CSMD3: variants seen among roughly 807,000 people sequenced by gnomAD.
CSMD3 encodes CUB and sushi domain-containing protein 3.
A neutral mutation model predicts 435.2 loss-of-function variants in CSMD3; 177 were observed. That is an observed-to-expected ratio of 0.41 (90% confidence interval 0.36 to 0.46). The LOEUF is 0.46. CSMD3 is among the 20% of genes least tolerant of loss of function. The pLI is 0.34. For missense variants in CSMD3, 4,265 were observed against 4,504.6 expected, an observed-to-expected ratio of 0.95 and a Z score of 1.52; for synonymous variants, 1,656 against 1,520.5, an observed-to-expected ratio of 1.09 and a Z score of -2.07.
At chr8:113,215,085 T>A (rs1311449590) in intron 3 of CSMD3, among the ~76,000 whole-genome samples, 1 of 151,908 alleles carries the variant, frequency 6.6e-6, no homozygotes, top group African/African-American at 2.4e-5. Context: ...ATCTCATATA[T>A]TCGTAATAAA....
intron 31 of CSMD3, among the ~76,000 whole-genome samples, chr8:112,490,327 C>CTGTAGATA (rs1307732438): frequency 4.6e-5 from 7 of 152,088 alleles, no homozygotes; most frequent in African/African-American, 1.7e-4. Flanking sequence ...TCTAAATTGT[C>CTGTAGATA]TGTAGATATG....
chr8:113,106,019 T>C (rs1163914595), intron 4 of CSMD3, among the ~76,000 whole-genome samples: 4 of 152,014 alleles, frequency 2.6e-5, no homozygotes, highest in Admixed American at 1.3e-4. Flanking sequence ...TATAACTATA[T>C]TCAACTACTT....
intron 6 of CSMD3, among the ~76,000 whole-genome samples, chr8:112,994,308 C>G (rs2085564351): frequency 6.6e-6 from 1 of 151,594 alleles, no homozygotes; most frequent in Admixed American, 6.6e-5. Flanking sequence ...TGAACATGTA[C>G]ACACTACTAG....
intron 23 of CSMD3, among the ~76,000 whole-genome samples, chr8:112,586,657 A>T (rs1462912868): frequency 6.6e-6 from 1 of 150,960 alleles, no homozygotes; most frequent in African/African-American, 2.4e-5. Context: ...GTTACATTAT[A>T]GACAATAGAA....
intron 14 of CSMD3, among the ~76,000 whole-genome samples, chr8:112,689,174 G>C (rs1052621354): frequency 1.3e-5 from 2 of 151,988 alleles, no homozygotes; most frequent in African/African-American, 4.8e-5. Context: ...ACTTCCTGAA[G>C]AGCAAACACA....
At chr8:113,250,955 G>T (rs2093329739) in intron 3 of CSMD3, among the ~76,000 whole-genome samples, 1 of 152,016 alleles carries the variant, frequency 6.6e-6, no homozygotes, top group South Asian at 2.1e-4. Context: ...TTAAGTGGAT[G>T]TGAAAATTGC....
chr8:112,227,814 G>A (rs190340423), intron 70 of CSMD3, among the ~76,000 whole-genome samples: 20 of 152,166 alleles, frequency 1.3e-4, no homozygotes, highest in Non-Finnish European at 2.5e-4. Context: ...ACGCCGAGGC[G>A]GGCGGATCAC....
intron 13 of CSMD3, among the ~76,000 whole-genome samples, chr8:112,714,760 A>G (rs1351230652): frequency 2.6e-5 from 4 of 152,196 alleles, no homozygotes; most frequent in African/African-American, 4.8e-5. Context: ...AGAACTCAGG[A>G]TTATGAAACA....
At chr8:112,996,174 G>A (rs546955027) in intron 6 of CSMD3, among the ~76,000 whole-genome samples, 1 of 151,268 alleles carries the variant, frequency 6.6e-6, no homozygotes, top group South Asian at 2.1e-4. Flanking sequence ...ATTATCTCTA[G>A]TCATTATGTT....
chr8:112,684,577 G>A (rs1172759248), intron 15 of CSMD3, among the ~76,000 whole-genome samples: 1 of 152,008 alleles, frequency 6.6e-6, no homozygotes, highest in African/African-American at 2.4e-5. Flanking sequence ...TATGGCTTCA[G>A]GTATATTTGC....
intron 45 of CSMD3, 133 bp from the exon 46 acceptor site, chr8:112,320,114 T>A (rs1468595994): frequency 1.5e-6 from 1 of 649,612 alleles, no homozygotes; most frequent in African/African-American, 1.8e-5. Flanking sequence ...AAGTGTCAAT[T>A]ACATCTTTAT....
chr8:112,827,466 C>A (rs1258310870), intron 12 of CSMD3, among the ~76,000 whole-genome samples: 2 of 151,518 alleles, frequency 1.3e-5, no homozygotes, highest in Non-Finnish European at 2.9e-5. Context: ...AGAATCTGAA[C>A]CTAAAATCCA....
At chr8:113,432,631 G>C (rs1203212769) in intron 1 of CSMD3, among the ~76,000 whole-genome samples, 1 of 152,180 alleles carries the variant, frequency 6.6e-6, no homozygotes, top group African/African-American at 2.4e-5. Context: ...GGACGGGGAC[G>C]TTGCAGAGGA....
rs143681163 is a variant in CSMD3 at position 113,322,298 on chromosome 8, C to A, written c.179-7505G>T. ...AATTATCCTATCTTCTCATGTTGTA[C>A]TGGTTTACTTATCACATGCACATTA... On this transcript the variant is annotated intron_variant, in intron 1 of 70. Transcript: ENST00000297405. Among the ~76,000 whole-genome samples, 637 of 152,188 alleles carry A rather than the reference C, an allele frequency of 4.2e-3. 9 individuals carry two copies. The highest frequency in any genetic ancestry group is 0.014 in the African/African-American group (584 of 41,534).
chr8:112,405,125 A>G (rs1335944938), intron 35 of CSMD3, among the ~76,000 whole-genome samples: 2 of 139,168 alleles, frequency 1.4e-5, no homozygotes, highest in Admixed American at 7.6e-5. Flanking sequence ...GGAAGTTGCA[A>G]GGGAGCTGTA....
At chr8:112,965,858 A>T (rs1039339444) in intron 7 of CSMD3, among the ~76,000 whole-genome samples, 2 of 151,968 alleles carry the variant, frequency 1.3e-5, no homozygotes, top group African/African-American at 2.4e-5. Context: ...TTGCTTTGAC[A>T]ATTTCAAAAA....
At chr8:112,587,707 A>C (rs1830849572) in intron 22 of CSMD3, among the ~76,000 whole-genome samples, 1 of 151,836 alleles carries the variant, frequency 6.6e-6, no homozygotes. Context: ...CTGACACAAG[A>C]ATTTCAATAA....
intron 32 of CSMD3, among the ~76,000 whole-genome samples, chr8:112,440,154 G>A (rs773681467): frequency 1.3e-5 from 2 of 152,110 alleles, no homozygotes; most frequent in South Asian, 2.1e-4. Context: ...AAATACAATC[G>A]GGTTACAGGC....
chr8:112,497,522 A>C (rs986088643), intron 30 of CSMD3, among the ~76,000 whole-genome samples: 40 of 150,970 alleles, frequency 2.6e-4, no homozygotes, highest in East Asian at 5.8e-4. Context: ...GAACCTGTAA[A>C]AATTAAAAAT....
Sources: gnomAD v4.1 joint callset for allele counts (sites outside exome capture counted in the v4.1 genomes callset) on GRCh38, gnomAD v4.1.1 for gene constraint, MANE v1.5 for transcripts, NCBI Gene and HGNC (gene_info 2026-07-23, HGNC 2026-07-21) for gene names.